Variants in NUP214 observed in about 807,000 individuals in gnomAD.
The protein encoded by NUP214 is nucleoporin 214.
A neutral mutation model predicts 196.2 loss-of-function variants in NUP214; 79 were observed. The ratio of observed to expected loss-of-function variants is 0.40; its 90% CI spans 0.34 to 0.49. The LOEUF is 0.49. NUP214 is among the 20% of genes least tolerant of loss of function. The pLI is 0.58. For synonymous variants in NUP214, 1,020 were observed against 990.5 expected (o/e 1.03, Z -0.56); for missense variants, 2,468 against 2,539.0 (o/e 0.97, Z 0.60).
chr9:131,184,240 C>T (rs1446566537), intron 24 of NUP214, among the ~76,000 whole-genome samples: 2 of 150,930 alleles, frequency 1.3e-5, no homozygotes, highest in African/African-American at 4.9e-5. Flanking sequence ...CATGTTGGCC[C>T]GGCTGATTTC....
intron 17 of NUP214, among the ~76,000 whole-genome samples, chr9:131,156,427 CG>C (rs1403172518): frequency 1.3e-5 from 2 of 151,588 alleles, no homozygotes; most frequent in Admixed American, 1.3e-4. Flanking sequence ...CCACTGCGCC[CG>C]GCTGAGCATG....
intron 30 of NUP214, among the ~76,000 whole-genome samples, chr9:131,212,303 C>G (rs1834268399): frequency 6.6e-6 from 1 of 152,214 alleles, no homozygotes; most frequent in South Asian, 2.1e-4. Context: ...TAATTTCACC[C>G]TGGTCCTGTG....
intron 32 of NUP214, among the ~76,000 whole-genome samples, chr9:131,225,944 G>A (rs1207980631): frequency 6.6e-6 from 1 of 152,194 alleles, no homozygotes; most frequent in African/African-American, 2.4e-5. Context: ...TGGCCTTGCT[G>A]CCCACCATGG....
In NUP214 at chr9:131,234,006, G is replaced by A. The variant is rs1834949351; in HGVS notation, c.*519G>A. ...TCAGGACCATCCAAGGACGCACTCT[G>A]CGATTGAGTGGAGGCAGAGGAAGCC... On this transcript the variant is annotated 3_prime_UTR_variant, in exon 36 of 36. Transcript: ENST00000359428. 4 of 261,610 alleles carry A rather than the reference G, an allele frequency of 1.5e-5. No individual in the cohort carries two copies. The East Asian group carries it at 2.3e-4, about 15-fold the overall frequency. The allele number at this position is 261,610 out of a possible 1,614,324, so 16.2% of individuals were successfully genotyped here.
intron 11 of NUP214, among the ~76,000 whole-genome samples, chr9:131,143,336 A>G (rs1424821302): frequency 6.6e-6 from 1 of 151,932 alleles, no homozygotes; most frequent in Non-Finnish European, 1.5e-5. Context: ...TTTCTTTTTA[A>G]CCATTTGGAT....
At chr9:131,202,279 G>T (rs1449257441) in intron 30 of NUP214, among the ~76,000 whole-genome samples, 1 of 152,172 alleles carries the variant, frequency 6.6e-6, no homozygotes, top group Non-Finnish European at 1.5e-5. Context: ...ACTTCAGTCT[G>T]TGGGCTAAAT....
intron 24 of NUP214, among the ~76,000 whole-genome samples, chr9:131,185,038 G>A (rs1216181621): frequency 6.6e-6 from 1 of 152,150 alleles, no homozygotes; most frequent in African/African-American, 2.4e-5. Context: ...CAGGTCTCTT[G>A]TTTTTTATGC....
intron 5 of NUP214, 113 bp from the exon 6 acceptor site, chr9:131,132,483 C>G: frequency 1.1e-6 from 1 of 893,046 alleles, no homozygotes; most frequent in African/African-American, 1.7e-5. Flanking sequence ...CAGTCTCTCC[C>G]GGCCAAGGAG....
At chr9:131,145,584 C>T (rs1832065284) in intron 12 of NUP214, among the ~76,000 whole-genome samples, 1 of 152,234 alleles carries the variant, frequency 6.6e-6, no homozygotes, top group African/African-American at 2.4e-5. Context: ...CACAGTTTAT[C>T]TGACCAGTCA....
At chr9:131,203,117 T>C (rs1833985117) in intron 30 of NUP214, among the ~76,000 whole-genome samples, 1 of 151,938 alleles carries the variant, frequency 6.6e-6, no homozygotes, top group South Asian at 2.1e-4. Flanking sequence ...AGCTAATTTT[T>C]TGTATTTTTA....
chr9:131,216,555 CG>C (rs1448308605), intron 31 of NUP214, among the ~76,000 whole-genome samples: 63 of 115,814 alleles, frequency 5.4e-4, no homozygotes, highest in African/African-American at 2.1e-3. Flanking sequence ...TTTTTTGAAA[CG>C]GAGTGTTGCT....
intron 27 of NUP214, among the ~76,000 whole-genome samples, chr9:131,193,574 C>CCTTTA (rs1833673638): frequency 7.1e-6 from 1 of 140,602 alleles, no homozygotes; most frequent in African/African-American, 2.6e-5. Context: ...ATTATTGCAT[C>CCTTTA]CTTTACAGAT....
intron 14 of NUP214, among the ~76,000 whole-genome samples, chr9:131,149,617 C>G (rs1223456650): frequency 6.6e-6 from 1 of 152,016 alleles, no homozygotes; most frequent in Non-Finnish European, 1.5e-5. Flanking sequence ...AACCTCTCGA[C>G]TACTCTCTCT....
chr9:131,136,545 T>C (rs1295601099), intron 9 of NUP214: 3 of 152,496 alleles, frequency 2.0e-5, no homozygotes, highest in Non-Finnish European at 2.9e-5. Context: ...CGGCTTTTTC[T>C]GCCTTGTCCT....
intron 30 of NUP214, among the ~76,000 whole-genome samples, chr9:131,211,938 C>A (rs1434965605): frequency 6.6e-6 from 1 of 152,326 alleles, no homozygotes; most frequent in East Asian, 1.9e-4. Context: ...ACCATTGGGC[C>A]TGACTGCCTG....
chr9:131,174,441 T>TTTTTC, intron 22 of NUP214, 123 bp downstream of exon 22: 1 of 541,716 alleles, frequency 1.8e-6, no homozygotes, highest in Non-Finnish European at 2.6e-6. Context: ...ACTTTTTTTT[T>TTTTTC]TTTTTCTTTT....
chr9:131,171,144 G>A (rs1588144912), intron 21 of NUP214, among the ~76,000 whole-genome samples: 2 of 152,212 alleles, frequency 1.3e-5, no homozygotes, highest in African/African-American at 4.8e-5. Flanking sequence ...TAATGGTGGA[G>A]GCAGCACCAT....
At chr9:131,193,629 CTTTTTTTTTTTTTTTTTTTTTT>C (rs71389402) in intron 27 of NUP214, among the ~76,000 whole-genome samples, 2 of 28,218 alleles carry the variant, frequency 7.1e-5, no homozygotes, top group East Asian at 1.2e-3. Flanking sequence ...TCTTCCTTTT[CTTTTTTTTTTTTTTTTTTTTTT>C]TTTTTTTTTT....
At position 131,144,562 on chromosome 9, in the gene NUP214, C is replaced by T; in HGVS notation, c.1577C>T (p.Ser526Phe). ...GPSTFSFVPPSKASLAPTPAA... is the reference protein window; with the variant it reads ...GPSTFSFVPPFKASLAPTPAA... ...TCAACCTTCTCTTTTGTTCCCCCTT[C>T]TAAAGCCTCCCTAGCCCCCACCCCT... The change falls in exon 12 of 36, where the codon TCT becomes TTT. Residue 526 changes from serine (S) to phenylalanine (F), a missense_variant. Physicochemically the swap from Ser to Phe is radical, Grantham distance 155 (BLOSUM62 -2). Around this residue, in one of 5 missense-constraint regions of NUP214, gnomAD observed 1,801 missense variants for 1,779.4 expected, o/e 1.01. Coordinates refer to ENST00000359428, the MANE Select transcript of NUP214 (RefSeq NM_005085.4). 3 of 1,614,108 alleles carry T rather than the reference C, an allele frequency of 1.9e-6. No individual in the cohort carries two copies. In the South Asian group the frequency reaches 3.3e-5, roughly 18 times the overall value.
Sources: gnomAD v4.1 joint callset for allele counts (sites outside exome capture counted in the v4.1 genomes callset) on GRCh38, gnomAD v4.1.1 for gene constraint, gnomAD v4.1.1 regional missense constraint, MANE v1.5 for transcripts, NCBI Gene and HGNC (gene_info 2026-07-23, HGNC 2026-07-21) for gene names.